PLCB1: variants seen among roughly 807,000 people sequenced by gnomAD.
PLCB1 encodes the protein 1-phosphatidylinositol 4,5-bisphosphate phosphodiesterase beta-1.
PLCB1 carries 46 observed loss-of-function variants against 161.8 expected under a neutral mutation model. The observed-to-expected ratio is 0.28, with a 90% CI of 0.22 to 0.36. The LOEUF (loss-of-function observed/expected upper bound fraction) is 0.36. PLCB1 is among the 10% of genes least tolerant of loss of function. The probability of loss-of-function intolerance (pLI) is 1.00; values close to 1 mark genes in which losing one functional copy is unlikely to be tolerated. For synonymous variants in PLCB1, 517 were observed against 503.7 expected (o/e 1.03, Z -0.35); for missense variants, 1,016 against 1,472.5 (o/e 0.69, Z 5.07).
At chr20:8,680,985 A>G (rs1165501133) in intron 9 of PLCB1, among the ~76,000 whole-genome samples, 1 of 150,032 alleles carries the variant, frequency 6.7e-6, no homozygotes, top group Non-Finnish European at 1.5e-5. Flanking sequence ...TTTGTTGACA[A>G]AAATATACAA....
intron 4 of PLCB1, among the ~76,000 whole-genome samples, chr20:8,638,424 A>T (rs1988835673): frequency 6.6e-6 from 1 of 152,118 alleles, no homozygotes; most frequent in Non-Finnish European, 1.5e-5. Flanking sequence ...ATGGAATCAG[A>T]GATTTAAAGC....
At chr20:8,871,933 T>G (rs1987623320) in intron 31 of PLCB1, among the ~76,000 whole-genome samples, 1 of 152,226 alleles carries the variant, frequency 6.6e-6, no homozygotes, top group South Asian at 2.1e-4. Flanking sequence ...AAATTGGTTT[T>G]ATTATTCCTA....
intron 2 of PLCB1, among the ~76,000 whole-genome samples, chr20:8,328,808 G>A (rs1016189528): frequency 1.3e-5 from 2 of 152,050 alleles, no homozygotes; most frequent in Admixed American, 1.3e-4. Context: ...CCTGGGGTGA[G>A]GATTGTTCAG....
intron 4 of PLCB1, 87 bp from the exon 5 acceptor site, chr20:8,646,015 T>C (rs1989158969): frequency 2.3e-6 from 2 of 872,776 alleles, no homozygotes; most frequent in East Asian, 2.5e-5. Context: ...ATTGAACTAA[T>C]GTGTCTTCCT....
intron 3 of PLCB1, among the ~76,000 whole-genome samples, chr20:8,434,947 T>G (rs1414861076): frequency 6.6e-6 from 1 of 152,228 alleles, no homozygotes; most frequent in Admixed American, 6.5e-5. Flanking sequence ...CAGCCTCTCA[T>G]GCACGTAGAC....
intron 2 of PLCB1, among the ~76,000 whole-genome samples, chr20:8,157,933 G>A (rs972109163): frequency 2.0e-5 from 3 of 152,146 alleles, no homozygotes; most frequent in African/African-American, 7.2e-5. Context: ...TTAGAAACAT[G>A]TAATACCACG....
chr20:8,505,648 A>G (rs1183167058), intron 3 of PLCB1, among the ~76,000 whole-genome samples: 1 of 152,224 alleles, frequency 6.6e-6, no homozygotes, highest in Non-Finnish European at 1.5e-5. Flanking sequence ...ACGTGTTTGG[A>G]CAATTTCCTG....
At chr20:8,137,719 A>G (rs1397252225) in intron 1 of PLCB1, among the ~76,000 whole-genome samples, 1 of 152,228 alleles carries the variant, frequency 6.6e-6, no homozygotes, top group Non-Finnish European at 1.5e-5. Context: ...AAACAGCATC[A>G]CTTGCCCCAG....
chr20:8,602,398 A>T (rs1272078208), intron 3 of PLCB1, among the ~76,000 whole-genome samples: 1 of 152,218 alleles, frequency 6.6e-6, no homozygotes, highest in Non-Finnish European at 1.5e-5. Context: ...CACTTCTGAA[A>T]ATTGAATTAA....
chr20:8,681,086 GTATATATATATATATATATATATA>G (rs202198416), intron 9 of PLCB1, among the ~76,000 whole-genome samples: 1 of 73,854 alleles, frequency 1.4e-5, no homozygotes, highest in East Asian at 4.2e-4. Flanking sequence ...ATGTGTGTGT[GTATATATATATATATATATATATA>G]TATATATATA....
Position 8,881,785 on chromosome 20 carries a change from A to AGAC in PLCB1, c.3588_3590dup (p.Thr1197dup), listed in dbSNP as rs764380542. ...TCAGACCCTGGAAAAGTGAACCACA[A>AGAC]GACTCCCTCCAGTGAGGAGCTGGGA... On this transcript the variant is annotated inframe_insertion, in exon 32 of 32. Coordinates refer to ENST00000338037, the MANE Select transcript of PLCB1 (RefSeq NM_015192.4). The AGAC allele has an allele frequency of 6.2e-7, 1 of 1,614,150 alleles. No homozygotes were observed. Among genetic ancestry groups the AGAC allele is most frequent in the Admixed American group, 1.7e-5 (1 of 60,018 alleles).
chr20:8,250,938 T>G (rs1981108698), intron 2 of PLCB1, among the ~76,000 whole-genome samples: 3 of 152,024 alleles, frequency 2.0e-5, no homozygotes, highest in Admixed American at 2.0e-4. Context: ...AGATATGTAC[T>G]CTGATTGTCT....
intron 3 of PLCB1, among the ~76,000 whole-genome samples, chr20:8,388,417 C>T (rs2122419095): frequency 6.6e-6 from 1 of 152,222 alleles, no homozygotes; most frequent in South Asian, 2.1e-4. Context: ...TCTCCCATTG[C>T]TGATTATAAG....
intron 3 of PLCB1, among the ~76,000 whole-genome samples, chr20:8,560,761 A>G (rs1169007620): frequency 2.0e-5 from 3 of 151,966 alleles, no homozygotes; most frequent in South Asian, 2.1e-4. Flanking sequence ...ATAATCATAC[A>G]TTTTTCCTAT....
At chr20:8,781,161 G>C (rs16995214) in intron 27 of PLCB1, among the ~76,000 whole-genome samples, 3,837 of 152,194 alleles carry the variant, frequency 0.025, 143 homozygotes, top group African/African-American at 0.087. Flanking sequence ...GTCTCAGGAA[G>C]TATCCCTACT....
chr20:8,754,511 G>C (rs562439696), intron 23 of PLCB1, among the ~76,000 whole-genome samples: 2 of 151,994 alleles, frequency 1.3e-5, no homozygotes, highest in African/African-American at 2.4e-5. Flanking sequence ...GCTAATTTTA[G>C]TGAGCTGTCA....
intron 2 of PLCB1, among the ~76,000 whole-genome samples, chr20:8,278,939 C>A (rs913626554): frequency 6.6e-6 from 1 of 150,960 alleles, no homozygotes; most frequent in Non-Finnish European, 1.5e-5. Flanking sequence ...AATTAAATAT[C>A]CACCAGCAGC....
At chr20:8,878,891 G>C (rs1351334592) in intron 31 of PLCB1, among the ~76,000 whole-genome samples, 1 of 152,042 alleles carries the variant, frequency 6.6e-6, no homozygotes. Context: ...TTTGGGATAC[G>C]AATGATCCTG....
intron 2 of PLCB1, among the ~76,000 whole-genome samples, chr20:8,200,986 A>T (rs1259981697): frequency 6.6e-6 from 1 of 152,124 alleles, no homozygotes; most frequent in East Asian, 1.9e-4. Context: ...CTCTGCATAT[A>T]ATAAAATAAG....
Sources: gnomAD v4.1 joint callset for allele counts (sites outside exome capture counted in the v4.1 genomes callset) on GRCh38, gnomAD v4.1.1 for gene constraint, MANE v1.5 for transcripts, NCBI Gene and HGNC (gene_info 2026-07-23, HGNC 2026-07-21) for gene names.